FAM53A: variants seen among roughly 807,000 people sequenced by gnomAD.
FAM53A encodes protein FAM53A.
A neutral mutation model predicts 26.6 loss-of-function variants in FAM53A; 28 were observed. That is an observed-to-expected ratio of 1.05 (90% confidence interval 0.78 to 1.45). FAM53A has a LOEUF of 1.45. Among genes scored for constraint, FAM53A ranks in the 40% most tolerant of loss-of-function variants. FAM53A has a pLI of 0.00. For synonymous variants in FAM53A, 290 were observed against 253.1 expected, an observed-to-expected ratio of 1.15 and a Z score of -1.38; for missense variants, 650 against 575.8, an observed-to-expected ratio of 1.13 and a Z score of -1.32.
intron 2 of FAM53A, among the ~76,000 whole-genome samples, chr4:1,668,387 G>A (rs1364564154): frequency 1.3e-5 from 2 of 152,168 alleles, no homozygotes; most frequent in East Asian, 1.9e-4. Context: ...TGATCTGACC[G>A]CCTTGGCCTC....
intron 4 of FAM53A, among the ~76,000 whole-genome samples, chr4:1,649,877 G>A (rs998443162): frequency 7.9e-5 from 12 of 151,936 alleles, no homozygotes; most frequent in Non-Finnish European, 1.8e-4. Context: ...CAGGCGTGGT[G>A]TTTGTGAGGT....
the FAM53A span, among the ~76,000 whole-genome samples, chr4:1,589,662 TA>T: frequency 1.3e-5 from 2 of 152,204 alleles, no homozygotes; most frequent in Non-Finnish European, 2.9e-5. Context: ...TGGCACTTTA[TA>T]TTTTTACAGA....
chr4:1,640,600 T>A lies in FAM53A; in HGVS notation c.*693A>T. ...ACTGAATCAAAATTACGCCTTAATG[T>A]TCCAAGCAACACGAAACCTACTCTG... On this transcript the variant is annotated 3_prime_UTR_variant, in exon 5 of 5. Transcript: ENST00000308132. 1 of 370,108 alleles carries A rather than the reference T, an allele frequency of 2.7e-6. No individual in the cohort carries two copies. Among genetic ancestry groups the A allele is most frequent in the Non-Finnish European group, 5.0e-6 (1 of 198,982 alleles). The allele number at this position is 370,108 out of a possible 1,614,324, so 22.9% of individuals were successfully genotyped here.
intron 1 of FAM53A, among the ~76,000 whole-genome samples, chr4:1,673,769 A>C (rs1405010268): frequency 6.6e-6 from 1 of 152,264 alleles, no homozygotes; most frequent in African/African-American, 2.4e-5. Context: ...GCCAAGCACC[A>C]GCCAGGGCAA....
the FAM53A span, among the ~76,000 whole-genome samples, chr4:1,581,361 G>C: frequency 5.9e-5 from 9 of 152,164 alleles, no homozygotes; most frequent in Admixed American, 5.9e-4. Context: ...CAGTTGCTCA[G>C]ACCAGACTTT....
chr4:1,623,264 C>T (rs371663936), intron 1 of FAM53A, among the ~76,000 whole-genome samples: 12 of 152,354 alleles, frequency 7.9e-5, no homozygotes, highest in Middle Eastern at 3.4e-3. Context: ...CAAGCTCCCC[C>T]GACGTGAAAG....
chr4:1,598,306 C>CG, the FAM53A span, among the ~76,000 whole-genome samples: 6 of 152,362 alleles, frequency 3.9e-5, no homozygotes, highest in Non-Finnish European at 7.3e-5. Flanking sequence ...ATGGAGTGTG[C>CG]GGGAAAAACG....
At chr4:1,631,441 T>C (rs1349545486) in intron 1 of FAM53A, among the ~76,000 whole-genome samples, 2 of 152,204 alleles carry the variant, frequency 1.3e-5, no homozygotes, top group Non-Finnish European at 2.9e-5. Flanking sequence ...GACAGCACTG[T>C]GGGGCTCCTG....
intron 4 of FAM53A, chr4:1,644,110 C>T (rs1363074462): frequency 1.3e-6 from 2 of 1,488,706 alleles, no homozygotes; most frequent in Non-Finnish European, 1.8e-6. Context: ...TGCCGTGCTG[C>T]CCACACAGGA....
intron 1 of FAM53A, among the ~76,000 whole-genome samples, chr4:1,682,778 T>C (rs1715541856): frequency 6.6e-6 from 1 of 151,630 alleles, no homozygotes; most frequent in Admixed American, 6.6e-5. Context: ...TAACTAGAAA[T>C]GCATGCACTA....
the FAM53A span, among the ~76,000 whole-genome samples, chr4:1,586,022 C>T: frequency 6.6e-6 from 1 of 152,226 alleles, no homozygotes. Flanking sequence ...TAGGCATGAG[C>T]CACCTCACCC....
At position 1,639,930 on chromosome 4, in the gene FAM53A, A is replaced by G. The variant is rs1048776341; in HGVS notation, c.*1363T>C. The stretch of plus-strand genomic sequence containing the variant: ...AACTCGAAACCCCTACGATTTTATT[A>G]AAAGTGCAAGAATGAAAAACAGGAA... On this transcript the variant is annotated 3_prime_UTR_variant, in exon 5 of 5. Transcript: ENST00000308132. The G allele has an allele frequency of 1.3e-5, 2 of 152,274 alleles. No individual in the cohort carries two copies. The highest frequency in any genetic ancestry group is 2.4e-5 in the African/African-American group (1 of 41,474). 9.4% of individuals were successfully genotyped at this position (152,274 alleles called of 1,614,324 possible).
the FAM53A span, among the ~76,000 whole-genome samples, chr4:1,590,922 GT>G: frequency 8.5e-6 from 1 of 118,094 alleles, no homozygotes; most frequent in African/African-American, 3.2e-5. Context: ...CTCAGTTGTA[GT>G]TTTATATGTT....
the FAM53A span, among the ~76,000 whole-genome samples, chr4:1,605,475 G>A: frequency 1.8e-4 from 28 of 152,294 alleles, no homozygotes; most frequent in African/African-American, 3.4e-4. The surrounding 1 kb of genome is among the most constrained non-coding windows in gnomAD (Gnocchi z 5.7). Flanking sequence ...AGCCTGACTC[G>A]GAGTGTGGTT....
intron 1 of FAM53A, 75 bp from the exon 2 acceptor site, chr4:1,668,980 G>T: frequency 2.0e-6 from 1 of 507,778 alleles, no homozygotes; most frequent in South Asian, 3.1e-5. Flanking sequence ...CTACATGTTG[G>T]GTCCCCTCTG....
the FAM53A span, among the ~76,000 whole-genome samples, chr4:1,600,973 G>A: frequency 5.3e-5 from 8 of 152,132 alleles, no homozygotes; most frequent in Non-Finnish European, 1.2e-4. Flanking sequence ...CCCAGCCCTG[G>A]AGGGAGGGGC....
At position 1,641,484 on chromosome 4, in the gene FAM53A, G is replaced by T. The variant is rs1464733072; in HGVS notation, c.1006C>A (p.Pro336Thr). 1.2e-6 allele frequency: 2 copies of T among 1,614,202 alleles called. No individual in the cohort carries two copies. Among genetic ancestry groups the T allele is most frequent in the Admixed American group, 3.3e-5 (2 of 60,020 alleles). The change falls in exon 5 of 5, where the codon CCT (proline) becomes ACT (threonine). Residue 336 changes from proline to threonine, a missense_variant. By Grantham distance (38) the Pro-to-Thr change is conservative. Coordinates refer to ENST00000308132, the MANE Select transcript of FAM53A (RefSeq NM_001174070.3). ...DSRGLPGITM[P>T]GCSQRGLRTS... is the part of the protein sequence containing the mutation. ...CTGAGGCCCCTCTGGCTGCAGCCAG[G>T]CATGGTGATGCCAGGGAGGCCCCGG...
At chr4:1,656,609 A>C (rs76126259) in intron 3 of FAM53A, among the ~76,000 whole-genome samples, 9,370 of 151,868 alleles carry the variant, frequency 0.062, 391 homozygotes, top group Middle Eastern at 0.15. Flanking sequence ...GGCTGGTCTG[A>C]CCCCGTGTGC....
Position 1,668,789 on chromosome 4 carries a change from T to C in FAM53A, c.-48A>G, listed in dbSNP as rs200535331. ...TCCACACCAACAGGCACTGGAGTCC[T>C]GGAACATCAGACTTGCGAAGGCCCC... On this transcript the variant is annotated 5_prime_UTR_variant, in exon 2 of 5. Transcript: ENST00000308132. The C allele has an allele frequency of 6.0e-5, 95 of 1,585,090 alleles. No homozygotes were observed. The East Asian group carries it at 1.1e-3, about 18-fold the overall frequency.
Sources: gnomAD v4.1 joint callset for allele counts (sites outside exome capture counted in the v4.1 genomes callset) on GRCh38, gnomAD v4.1.1 for gene constraint, Gnocchi (gnomAD v3.1) non-coding constraint, MANE v1.5 for transcripts, NCBI Gene and HGNC (gene_info 2026-07-23, HGNC 2026-07-21) for gene names.